Variants in STEAP4 observed in about 807,000 individuals in gnomAD.
The protein encoded by STEAP4 is metalloreductase STEAP4.
Under a neutral mutation model 43.6 loss-of-function variants are expected in STEAP4, and 36 were observed. The observed-to-expected ratio is 0.83, with a 90% CI of 0.63 to 1.09. The LOEUF is 1.09. Among genes scored for constraint, STEAP4 ranks in the 50% least tolerant of loss-of-function variants. The probability of loss-of-function intolerance (pLI) is 0.00; values close to 1 mark genes in which losing one functional copy is unlikely to be tolerated. For synonymous variants in STEAP4, 191 were observed against 196.7 expected (o/e 0.97, Z 0.24); for missense variants, 495 against 546.5 (o/e 0.91, Z 0.94).
chr7:88,304,885 G>C (rs1449981786), intron 1 of STEAP4, among the ~76,000 whole-genome samples: 1 of 152,114 alleles, frequency 6.6e-6, no homozygotes, highest in Admixed American at 6.5e-5. Context: ...ATAGTAGGGT[G>C]ATTCAGGGGA....
Position 88,273,949 on chromosome 7 carries a change from T to C in STEAP4, c.*5449A>G, listed in dbSNP as rs1852475571. 1 of 152,206 alleles carries C rather than the reference T, an allele frequency of 6.6e-6. No homozygotes were observed. Among genetic ancestry groups the C allele is most frequent in the South Asian group, 2.1e-4 (1 of 4,832 alleles). 9.4% of individuals were successfully genotyped at this position (152,206 alleles called of 1,614,324 possible). A position where few individuals can be genotyped will look rare whatever the true frequency, so the allele number is the denominator to read the frequency against. ...ACTGGGCAATCAGGAATATTTAAAA[T>C]GCGAATAAGCTTCTTGTCTTTAAAA... On this transcript the variant is annotated 3_prime_UTR_variant, in exon 5 of 5. Coordinates refer to ENST00000380079, the MANE Select transcript of STEAP4 (RefSeq NM_024636.4).
At chr7:88,302,102 T>C (rs1030028357) in intron 1 of STEAP4, among the ~76,000 whole-genome samples, 2 of 152,232 alleles carry the variant, frequency 1.3e-5, no homozygotes, top group African/African-American at 4.8e-5. Context: ...GAAGTTAAAA[T>C]GTGGACTTTG....
intron 1 of STEAP4, among the ~76,000 whole-genome samples, chr7:88,294,859 C>T (rs4727156): frequency 0.25 from 38,137 of 151,922 alleles, 5,782 homozygotes; most frequent in East Asian, 0.77. Context: ...GAAAATTAGC[C>T]TCCATGAATC....
intron 1 of STEAP4, among the ~76,000 whole-genome samples, chr7:88,294,304 TGTGTATAAG>T (rs1438836318): frequency 6.6e-6 from 1 of 152,148 alleles, no homozygotes; most frequent in Non-Finnish European, 1.5e-5. Context: ...CTTTAGGTTA[TGTGTATAAG>T]GTGTATATGA....
At chr7:88,293,891 T>G (rs901175131) in intron 1 of STEAP4, among the ~76,000 whole-genome samples, 12 of 152,134 alleles carry the variant, frequency 7.9e-5, no homozygotes, top group Non-Finnish European at 1.5e-4. Context: ...CTATGTTTTT[T>G]TTTGAAAACT....
rs1279271169 is a variant in STEAP4 at position 88,274,773 on chromosome 7, T to G, written c.*4625A>C. On this transcript the variant is annotated 3_prime_UTR_variant, in exon 5 of 5. Coordinates refer to ENST00000380079, the MANE Select transcript of STEAP4 (RefSeq NM_024636.4). ...GAAAGGGGCAGATGATTCCCAGAAC[T>G]GAGGGCTCCTCCTGCTTTTAGAACA... 2 of 152,222 alleles carry G rather than the reference T, an allele frequency of 1.3e-5. No homozygotes were observed. The highest frequency in any genetic ancestry group is 3.8e-4 in the East Asian group (2 of 5,196). The allele number at this position is 152,222 out of a possible 1,614,324, so 9.4% of individuals were successfully genotyped here.
rs376397661 is a variant in STEAP4, at chr7:88,286,927, G to A, written c.-2-2656C>T. On this transcript the variant is annotated intron_variant, in intron 1 of 4. Coordinates refer to ENST00000380079, the MANE Select transcript of STEAP4 (RefSeq NM_024636.4). The stretch of plus-strand genomic sequence containing the variant: ...TCCATCCAATTAGACAACCCCTAAT[G>A]GGGCTACAGACAGACACTCTGTAAT... Among the ~76,000 whole-genome samples, 13 of 152,214 alleles carry A rather than the reference G, an allele frequency of 8.5e-5. No homozygotes were observed. In the South Asian group the frequency reaches 1.0e-3, roughly 12 times the overall value.
chr7:88,282,836 A>G lies in STEAP4; in HGVS notation c.789T>C (p.Val263=). The change falls in exon 3 of 5, where the codon GTT becomes GTC. Residue 263 remains valine, a synonymous_variant. Transcript: ENST00000380079. ...GGTACAGTTGTAGAATGGCAGCAAT[A>G]ACACCAGGGAGGTAAACCAAAGCAA... ...TLLALVYLPG[V]IAAILQLYRG... is the part of the protein sequence containing the mutation. 1.2e-6 allele frequency: 2 copies of G among 1,614,178 alleles called. No individual in the cohort carries two copies. The highest frequency in any genetic ancestry group is 1.7e-6 in the Non-Finnish European group (2 of 1,180,034).
intron 1 of STEAP4, among the ~76,000 whole-genome samples, chr7:88,301,358 G>C (rs556611730): frequency 1.6e-4 from 24 of 152,176 alleles, no homozygotes; most frequent in African/African-American, 5.5e-4. Context: ...ATGCAGCCTT[G>C]ACCTCCCAGG....
rs1317594705 is a variant in STEAP4, at chr7:88,283,037, T to C, written c.588A>G (p.Leu196=). The change falls in exon 3 of 5, where the codon CTA becomes CTG. Residue 196 remains leucine (L), a synonymous_variant. Transcript: ENST00000380079. The part of the protein sequence containing the change: ...AKEIEKYPLQ[L]FPMWRFPFYL... Reference sequence around the variant, plus strand: ...AGAAGGGGAACCTCCACATTGGAAATAGCTGCAGGGGGTACTTTTCAATTT... The same window carrying C: ...AGAAGGGGAACCTCCACATTGGAAACAGCTGCAGGGGGTACTTTTCAATTT... The C allele has an allele frequency of 2.5e-6, 4 of 1,613,548 alleles. No individual in the cohort carries two copies. Among genetic ancestry groups the C allele is most frequent in the Non-Finnish European group, 2.5e-6 (3 of 1,179,860 alleles).
At chr7:88,299,526 G>T (rs1852993686) in intron 1 of STEAP4, among the ~76,000 whole-genome samples, 2 of 152,296 alleles carry the variant, frequency 1.3e-5, no homozygotes, top group South Asian at 4.1e-4. Context: ...CAGAAAAACA[G>T]CTCTATCTCA....
intron 1 of STEAP4, among the ~76,000 whole-genome samples, chr7:88,300,419 G>A (rs1368899794): frequency 6.6e-6 from 1 of 151,950 alleles, no homozygotes; most frequent in Non-Finnish European, 1.5e-5. Context: ...CACCATGTTG[G>A]CCAGGCTGGT....
rs1310947961 is a variant in STEAP4 at position 88,273,610 on chromosome 7, AAAT to A, written c.*5785_*5787del. ...GCATGGGTTACTGGATCTCAAAAAC[AAAT>A]AAGTTCACTCAGTACACAAAGCAAT... On this transcript the variant is annotated 3_prime_UTR_variant, in exon 5 of 5. Coordinates refer to ENST00000380079, the MANE Select transcript of STEAP4 (RefSeq NM_024636.4). 1 of 152,166 alleles carries A rather than the reference AAAT, an allele frequency of 6.6e-6. No homozygotes were observed. Among genetic ancestry groups the A allele is most frequent in the Non-Finnish European group, 1.5e-5 (1 of 68,030 alleles). 9.4% of individuals were successfully genotyped at this position (152,166 alleles called of 1,614,324 possible). A position where few individuals can be genotyped will look rare whatever the true frequency, so the allele number is the denominator to read the frequency against.
At chr7:88,291,160 T>C (rs762006452) in intron 1 of STEAP4, 1 of 152,068 alleles carries the variant, frequency 6.6e-6, no homozygotes, top group Non-Finnish European at 1.5e-5. Flanking sequence ...ATTATAAATA[T>C]ATAAAAAATA....
chr7:88,287,014 C>T (rs1852748544), intron 1 of STEAP4, among the ~76,000 whole-genome samples: 1 of 152,098 alleles, frequency 6.6e-6, no homozygotes, highest in Admixed American at 6.5e-5. Flanking sequence ...GATAGGGCTA[C>T]AGACAGACAC....
chr7:88,305,419 G>A lies in STEAP4; in HGVS notation c.-3+1373C>T, dbSNP rs1226222580. On this transcript the variant is annotated intron_variant, in intron 1 of 4. Coordinates refer to ENST00000380079, the MANE Select transcript of STEAP4 (RefSeq NM_024636.4). ...TTGCAAAAGGCCATATCTCAGAAAA[G>A]TTACTGCTTCAAATAAATGTGCCAT... Among the ~76,000 whole-genome samples, 2 of 152,044 alleles carry A rather than the reference G, an allele frequency of 1.3e-5. 1 individual carries two copies. Among genetic ancestry groups the A allele is most frequent in the Admixed American group, 1.3e-4 (2 of 15,278 alleles).
intron 1 of STEAP4, among the ~76,000 whole-genome samples, chr7:88,305,425 G>T (rs1853112006): frequency 6.6e-6 from 1 of 152,044 alleles, no homozygotes; most frequent in South Asian, 2.1e-4. Context: ...AAAAGTTACT[G>T]CTTCAAATAA....
chr7:88,284,885 C>A (rs1159126425), intron 1 of STEAP4, among the ~76,000 whole-genome samples: 1 of 152,076 alleles, frequency 6.6e-6, no homozygotes, highest in Non-Finnish European at 1.5e-5. Flanking sequence ...ATTTCCTTAA[C>A]ATATAAAAAT....
chr7:88,298,505 ACAC>A (rs1346636605), intron 1 of STEAP4: 3 of 151,348 alleles, frequency 2.0e-5, no homozygotes, highest in African/African-American at 7.3e-5. Flanking sequence ...ACACACACAC[ACAC>A]ACCTTTTACT....
Sources: allele counts gnomAD v4.1 joint callset (sites outside exome capture counted in the v4.1 genomes callset), GRCh38; gene constraint gnomAD v4.1.1; transcripts MANE v1.5; gene names NCBI Gene and HGNC (gene_info 2026-07-23, HGNC 2026-07-21).